Variants in GREB1L observed in about 807,000 individuals in gnomAD.
GREB1L encodes the protein GREB1 like retinoic acid receptor coactivator.
Under a neutral mutation model 200.8 loss-of-function variants are expected in GREB1L, and 17 were observed. The ratio of observed to expected loss-of-function variants is 0.08; its 90% CI spans 0.06 to 0.13. GREB1L has a LOEUF of 0.13. GREB1L is among the 10% of genes least tolerant of loss of function. The probability of loss-of-function intolerance (pLI) is 1.00; values close to 1 mark genes in which losing one functional copy is unlikely to be tolerated. For missense variants in GREB1L, 1,657 were observed against 2,367.7 expected (o/e 0.70, Z 6.23); for synonymous variants, 789 against 893.0 (o/e 0.88, Z 2.08).
At chr18:21,367,773 G>A (rs1464526672) in intron 2 of GREB1L, among the ~76,000 whole-genome samples, 1 of 152,112 alleles carries the variant, frequency 6.6e-6, no homozygotes, top group African/African-American at 2.4e-5. Context: ...AAGAAAATCA[G>A]TGTCAGAGTC....
intron 9 of GREB1L, among the ~76,000 whole-genome samples, chr18:21,440,744 C>T (rs543731975): frequency 1.3e-5 from 2 of 152,268 alleles, no homozygotes; most frequent in East Asian, 1.9e-4. Context: ...TTATTTCTGA[C>T]CTGGATGGTT....
intron 1 of GREB1L, among the ~76,000 whole-genome samples, chr18:21,316,124 C>T (rs1365340257): frequency 2.0e-5 from 3 of 152,096 alleles, no homozygotes; most frequent in African/African-American, 4.8e-5. Context: ...TCTGTGTACC[C>T]GCCCATCACA....
intron 7 of GREB1L, among the ~76,000 whole-genome samples, chr18:21,420,128 G>C (rs1598801907): frequency 6.6e-6 from 1 of 152,038 alleles, no homozygotes; most frequent in Non-Finnish European, 1.5e-5. Flanking sequence ...ATCCCAGCAC[G>C]TTGGGAGGCC....
rs1391991217 is a variant in GREB1L, at chr18:21,499,810, G to T, written c.3473G>T (p.Ser1158Ile). ...CAGTCCCTGACCCCCAGCTTTCAGA[G>T]CCCAGCCACCAGCTTGGGGCTGGAT... ...QKQSLTPSFQ[S>I]PATSLGLDEG... is the part of the protein sequence containing the mutation. The change falls in exon 22 of 33, where the codon AGC becomes ATC. Residue 1158 changes from serine (S) to isoleucine (I), a missense_variant. Physicochemically the swap from Ser to Ile is moderately radical, Grantham distance 142. This residue lies in a region of GREB1L where 512 missense variants were observed against 668.3 expected (regional missense o/e 0.77). Coordinates refer to ENST00000424526, the MANE Select transcript of GREB1L (RefSeq NM_001142966.3). 5 of 1,551,896 alleles carry T rather than the reference G, an allele frequency of 3.2e-6. No individual in the cohort carries two copies. The Admixed American group carries it at 5.9e-5, about 18-fold the overall frequency.
chr18:21,376,812 C>CAAA lies in GREB1L; in HGVS notation c.-9-6679_-9-6677dup, dbSNP rs534144361. 1.0e-3 allele frequency among the ~76,000 whole-genome samples: 61 copies of CAAA among 59,536 alleles called. 1 individual carries two copies. Among genetic ancestry groups the CAAA allele is most frequent in the Non-Finnish European group, 1.5e-3 (43 of 28,190 alleles). The allele number at this position is 59,536 out of a possible 152,430, so 39.1% of individuals were successfully genotyped here. A position where few individuals can be genotyped will look rare whatever the true frequency, so the allele number is the denominator to read the frequency against. ...AGAGCGAGACTCTGAGAGTCCGTCT[C>CAAA]AAAAAAAAAAAAAAAAAAAAAGAAA... On this transcript the variant is annotated intron_variant, in intron 2 of 32. Transcript: ENST00000424526.
chr18:21,361,700 CTG>C (rs1055146581), intron 1 of GREB1L, among the ~76,000 whole-genome samples: 4 of 150,930 alleles, frequency 2.7e-5, no homozygotes, highest in Non-Finnish European at 4.4e-5. Flanking sequence ...CTGGTACAGA[CTG>C]TGATCTGGAA....
At chr18:21,433,150 C>T (rs1189059121) in intron 7 of GREB1L, among the ~76,000 whole-genome samples, 1 of 152,158 alleles carries the variant, frequency 6.6e-6, no homozygotes, top group Non-Finnish European at 1.5e-5. Flanking sequence ...ATCCCAGATA[C>T]TATGTCCAGA....
intron 15 of GREB1L, among the ~76,000 whole-genome samples, chr18:21,458,380 A>AAGAGATGGGCAG (rs1192091710): frequency 3.9e-5 from 6 of 152,128 alleles, no homozygotes; most frequent in Non-Finnish European, 8.8e-5. Context: ...TAGAAGGAGA[A>AAGAGATGGGCAG]AGAGATGGGC....
intron 6 of GREB1L, 80 bp from the exon 7 acceptor site, chr18:21,403,792 A>G: frequency 8.2e-7 from 1 of 1,223,468 alleles, no homozygotes; most frequent in Non-Finnish European, 1.1e-6. Flanking sequence ...TAATTTAGAG[A>G]TTTTATGGAT....
At position 21,403,932 on chromosome 18, in the gene GREB1L, C is replaced by T. The variant is rs1339047723; in HGVS notation, c.770C>T (p.Ser257Leu). 8 of 1,550,442 alleles carry T rather than the reference C, an allele frequency of 5.2e-6. No individual in the cohort carries two copies. The highest frequency in any genetic ancestry group is 1.7e-4 in the Middle Eastern group (1 of 5,992). The change falls in exon 7 of 33, where the codon TCG becomes TTG. Residue 257 changes from serine to leucine, a missense_variant. This residue lies in a region of GREB1L where 289 missense variants were observed against 345.1 expected (regional missense o/e 0.84). Coordinates refer to ENST00000424526, the MANE Select transcript of GREB1L (RefSeq NM_001142966.3). The part of the protein sequence containing the change: ...CHSIKPSSSV[S>L]STVTPENGTT... The stretch of plus-strand genomic sequence containing the variant: ...TCTATTAAGCCAAGCTCTTCAGTGT[C>T]GTCAACTGTGACCCCAGAAAATGGG...
intron 11 of GREB1L, among the ~76,000 whole-genome samples, chr18:21,445,396 C>T (rs545685241): frequency 6.6e-6 from 1 of 152,242 alleles, no homozygotes; most frequent in East Asian, 1.9e-4. Context: ...ATTGCTTGAA[C>T]CCGGGAGGCG....
chr18:21,244,907 ATTAACT>A (rs1418959514), intron 1 of GREB1L, among the ~76,000 whole-genome samples: 1 of 152,212 alleles, frequency 6.6e-6, no homozygotes, highest in Non-Finnish European at 1.5e-5. Flanking sequence ...TAAAGTGGAA[ATTAACT>A]TTACCTACTT....
chr18:21,339,333 T>C (rs1316800035), intron 1 of GREB1L, among the ~76,000 whole-genome samples: 1 of 152,236 alleles, frequency 6.6e-6, no homozygotes. Flanking sequence ...TTTTAGGCTG[T>C]CAGTCTGACC....
intron 23 of GREB1L, among the ~76,000 whole-genome samples, chr18:21,502,582 ATT>A (rs2036843330): frequency 6.6e-6 from 1 of 152,076 alleles, no homozygotes; most frequent in African/African-American, 2.4e-5. Flanking sequence ...GCCTGTTTCC[ATT>A]TCTCATCAAT....
At chr18:21,334,758 G>A (rs935940757) in intron 1 of GREB1L, among the ~76,000 whole-genome samples, 2 of 147,982 alleles carry the variant, frequency 1.4e-5, no homozygotes, top group Non-Finnish European at 2.9e-5. Context: ...TGGTGACAGA[G>A]TATGACCCCA....
intron 1 of GREB1L, among the ~76,000 whole-genome samples, chr18:21,347,274 G>A (rs1446929815): frequency 8.9e-5 from 13 of 145,880 alleles, no homozygotes; most frequent in Admixed American, 1.4e-4. Flanking sequence ...GCAAGACTCC[G>A]TCTCAAAAAA....
intron 7 of GREB1L, among the ~76,000 whole-genome samples, chr18:21,429,721 T>C (rs2032992937): frequency 6.6e-6 from 1 of 152,210 alleles, no homozygotes; most frequent in Non-Finnish European, 1.5e-5. Flanking sequence ...CTTTGCTTGT[T>C]ATGGGTCTAT....
intron 1 of GREB1L, among the ~76,000 whole-genome samples, chr18:21,360,328 C>T (rs1450684808): frequency 1.3e-5 from 2 of 152,138 alleles, no homozygotes; most frequent in South Asian, 2.1e-4. Flanking sequence ...AAGCAATTCT[C>T]CTGCCTCAGC....
chr18:21,340,688 G>A (rs1371063218), intron 1 of GREB1L, among the ~76,000 whole-genome samples: 1 of 151,668 alleles, frequency 6.6e-6, no homozygotes, highest in East Asian at 2.0e-4. Context: ...GATTACAGGC[G>A]CACGCCACCA....
Sources: allele counts gnomAD v4.1 joint callset (sites outside exome capture counted in the v4.1 genomes callset), GRCh38; gene constraint gnomAD v4.1.1; regional missense constraint gnomAD v4.1.1; transcripts MANE v1.5; gene names NCBI Gene and HGNC (gene_info 2026-07-23, HGNC 2026-07-21).